The following RTN4 variants were observed in gnomAD, a reference collection of about 807,000 sequenced individuals.
RTN4 encodes reticulon 4.
A neutral mutation model predicts 90.4 loss-of-function variants in RTN4; 32 were observed. The ratio of observed to expected loss-of-function variants is 0.35; its 90% confidence interval spans 0.27 to 0.48. RTN4 has a LOEUF of 0.48. RTN4 is among the 20% of genes least tolerant of loss of function. The pLI, the probability that RTN4 is intolerant of heterozygous loss-of-function variation, is 0.99. For synonymous variants in RTN4, 629 were observed against 552.5 expected (o/e 1.14, Z -1.94); for missense variants, 1,706 against 1,430.2 (o/e 1.19, Z -3.11).
At chr2:55,092,668 AT>A in intron 1 of RTN4, among the ~76,000 whole-genome samples, 1 of 152,290 alleles carries the variant, frequency 6.6e-6, no homozygotes, top group East Asian at 1.9e-4. Flanking sequence ...GCCACACCCA[AT>A]TGTGGCACCT....
At chr2:55,132,362 G>A in the RTN4 span, among the ~76,000 whole-genome samples, 1 of 152,008 alleles carries the variant, frequency 6.6e-6, no homozygotes. Context: ...AATTAGCCGG[G>A]TGTGATGGCA....
the RTN4 span, among the ~76,000 whole-genome samples, chr2:55,133,421 T>C: frequency 6.6e-6 from 1 of 152,204 alleles, no homozygotes; most frequent in East Asian, 1.9e-4. Flanking sequence ...CAATAAATAC[T>C]TGTAAAAATT....
chr2:55,011,752 G>C (rs1013885884), intron 3 of RTN4, among the ~76,000 whole-genome samples: 6 of 151,998 alleles, frequency 3.9e-5, no homozygotes, highest in African/African-American at 1.4e-4. Flanking sequence ...GAAAATGAGA[G>C]GGGAAAAAGG....
At chr2:55,123,504 T>C in the RTN4 span, among the ~76,000 whole-genome samples, 1 of 152,158 alleles carries the variant, frequency 6.6e-6, no homozygotes, top group Non-Finnish European at 1.5e-5. Flanking sequence ...ATCTTGTATT[T>C]GCCAAAAATG....
the RTN4 span, among the ~76,000 whole-genome samples, chr2:55,120,499 G>C: frequency 1.3e-5 from 2 of 152,052 alleles, no homozygotes; most frequent in South Asian, 4.1e-4. Flanking sequence ...CCTCCATTCT[G>C]CTTGTCCCCT....
At chr2:54,980,057 G>A (rs1032304998) in intron 5 of RTN4, among the ~76,000 whole-genome samples, 54 of 152,216 alleles carry the variant, frequency 3.5e-4, no homozygotes, top group Middle Eastern at 3.4e-3. Flanking sequence ...CTCATCATGT[G>A]TTACTTTCTG....
At chr2:55,013,158 T>A (rs1316343749) in intron 3 of RTN4, among the ~76,000 whole-genome samples, 1 of 152,174 alleles carries the variant, frequency 6.6e-6, no homozygotes, top group Non-Finnish European at 1.5e-5. Flanking sequence ...AAAAGTGTTG[T>A]ATGAATTCTA....
chr2:55,004,806 T>C lies in RTN4; in HGVS notation c.3014-17108A>G, dbSNP rs113288666. Among the ~76,000 whole-genome samples the C allele has an allele frequency of 3.5e-3, 538 of 152,142 alleles. 3 individuals are homozygous for C. Among genetic ancestry groups the C allele is most frequent in the African/African-American group, 0.012 (494 of 41,510 alleles). On this transcript the variant is annotated intron_variant, in intron 3 of 8. Coordinates refer to ENST00000337526, the MANE Select transcript of RTN4 (RefSeq NM_020532.5). The stretch of plus-strand genomic sequence containing the variant: ...AAGAGCCAAGATATTTATGTATAAA[T>C]AATTGTAATAGAAAGTACAAAATGA...
chr2:55,090,568 T>C (rs772808548), intron 1 of RTN4, among the ~76,000 whole-genome samples: 5 of 152,132 alleles, frequency 3.3e-5, no homozygotes, highest in Admixed American at 6.5e-5. Flanking sequence ...ACCTCCCCTC[T>C]ATCCACCTGG....
intron 3 of RTN4, among the ~76,000 whole-genome samples, chr2:54,991,268 A>G (rs914079131): frequency 6.6e-6 from 1 of 152,344 alleles, no homozygotes; most frequent in African/African-American, 2.4e-5. Context: ...CAATGACTTT[A>G]GATTTGAGAG....
At chr2:55,030,143 TTAAAG>T in intron 1 of RTN4, among the ~76,000 whole-genome samples, 1 of 152,172 alleles carries the variant, frequency 6.6e-6, no homozygotes, top group East Asian at 1.9e-4. Flanking sequence ...TATATTACTG[TTAAAG>T]TTAGTGGGAA....
At chr2:54,985,576 A>C (rs1200997174) in intron 4 of RTN4, among the ~76,000 whole-genome samples, 1 of 152,198 alleles carries the variant, frequency 6.6e-6, no homozygotes, top group Non-Finnish European at 1.5e-5. Context: ...TTTAAAATAA[A>C]CTTATTAAAA....
In RTN4 at chr2:55,066,223, A is replaced by G. The variant is rs905201639; in HGVS notation, c.-63+14266T>C. Among the ~76,000 whole-genome samples the G allele has an allele frequency of 9.2e-4, 107 of 116,620 alleles. 1 individual carries two copies. The highest frequency in any genetic ancestry group is 4.9e-4 in the Admixed American group (6 of 12,134). The allele number at this position is 116,620 out of a possible 152,430, so 76.5% of individuals were successfully genotyped here. ...TGTGTGTGTGTGTGTGTGTGTGTGT[A>G]TGTTTTAATAGCTACATGTTTGATT... On this transcript the variant is annotated intron_variant, in intron 2 of 3. Transcript: ENST00000427710.
intron 3 of RTN4, among the ~76,000 whole-genome samples, chr2:55,019,453 CAT>C (rs2104829778): frequency 6.6e-6 from 1 of 152,274 alleles, no homozygotes; most frequent in Admixed American, 6.5e-5. Flanking sequence ...AATCAGAGCT[CAT>C]CTTGCCCAGA....
At chr2:55,053,763 C>T (rs1203715034), upstream of RTN4, among the ~76,000 whole-genome samples, 1 of 151,858 alleles carries the variant, frequency 6.6e-6, no homozygotes, top group Non-Finnish European at 1.5e-5. Context: ...TTTTCAGATA[C>T]CACTGGTTAG....
At chr2:55,063,221 T>A (rs924517504) in intron 2 of RTN4, among the ~76,000 whole-genome samples, 11 of 152,180 alleles carry the variant, frequency 7.2e-5, no homozygotes, top group Non-Finnish European at 1.0e-4. Flanking sequence ...AATTATATTT[T>A]AAAAAAATAG....
intron 2 of RTN4, among the ~76,000 whole-genome samples, chr2:55,071,087 CT>C (rs796664281): frequency 6.5e-3 from 899 of 139,036 alleles, no homozygotes; most frequent in Middle Eastern, 0.045. Flanking sequence ...TTTTTTTCTT[CT>C]TTTTTTTTTT....
chr2:55,015,351 G>C (rs1423471631), intron 3 of RTN4, among the ~76,000 whole-genome samples: 1 of 152,156 alleles, frequency 6.6e-6, no homozygotes, highest in Non-Finnish European at 1.5e-5. Context: ...ATTTTAAATA[G>C]ATCAGAACTA....
chr2:54,979,963 A>C (rs1323413481), intron 5 of RTN4, among the ~76,000 whole-genome samples: 1 of 152,226 alleles, frequency 6.6e-6, no homozygotes, highest in Admixed American at 6.5e-5. Context: ...AGGATTGCTA[A>C]TCCTTAAGGA....
Sources: gnomAD v4.1 joint callset for allele counts (sites outside exome capture counted in the v4.1 genomes callset) on GRCh38, gnomAD v4.1.1 for gene constraint, MANE v1.5 for transcripts, NCBI Gene and HGNC (gene_info 2026-07-23, HGNC 2026-07-21) for gene names.